The following PCDHA8 variants were observed in gnomAD, a reference collection of about 807,000 sequenced individuals.
PCDHA8 encodes protocadherin alpha-8.
A neutral mutation model predicts 61.8 loss-of-function variants in PCDHA8; 53 were observed. That is an observed-to-expected ratio of 0.86 (90% confidence interval 0.69 to 1.08). The LOEUF (loss-of-function observed/expected upper bound fraction) is 1.08, where lower values mean the gene tolerates loss of function less well. PCDHA8 is among the 50% of genes least tolerant of loss of function. The pLI, the probability that PCDHA8 is intolerant of heterozygous loss-of-function variation, is 0.00. For synonymous variants in PCDHA8, 618 were observed against 556.6 expected (o/e 1.11, Z -1.55); for missense variants, 1,293 against 1,245.0 (o/e 1.04, Z -0.58).
rs1453798087 is a variant in PCDHA8 at position 140,849,691 on chromosome 5, C to T, written c.2394+5976C>T. Reference sequence around the variant, plus strand: ...CCCCACGTCCCCTTCAAGCTGGTGTCCACCTACAAGAATTACTACTCGTTG... The same window carrying T: ...CCCCACGTCCCCTTCAAGCTGGTGTTCACCTACAAGAATTACTACTCGTTG... On this transcript the variant is annotated intron_variant, in intron 1 of 3. Transcript: ENST00000531613. 1.3e-6 allele frequency: 2 copies of T among 1,598,536 alleles called. No individual in the cohort carries two copies. The highest frequency in any genetic ancestry group is 2.2e-5 in the South Asian group (2 of 90,552).
chr5:140,891,921 C>G (rs1405172226), intron 1 of PCDHA8, among the ~76,000 whole-genome samples: 1 of 152,234 alleles, frequency 6.6e-6, no homozygotes, highest in African/African-American at 2.4e-5. Flanking sequence ...ATGCTGGTGC[C>G]TTGATCTTGG....
At chr5:140,908,342 A>G (rs542660039) in intron 1 of PCDHA8, among the ~76,000 whole-genome samples, 48 of 152,196 alleles carry the variant, frequency 3.2e-4, no homozygotes, top group Non-Finnish European at 5.3e-4. Flanking sequence ...TTGAGCCACT[A>G]CCTCATGTAA....
At chr5:140,926,584 C>A in intron 1 of PCDHA8, 1 of 285,402 alleles carries the variant, frequency 3.5e-6, no homozygotes, top group Non-Finnish European at 6.4e-6. Context: ...GCACCTCTCG[C>A]GCCCGGGCGG....
chr5:140,856,611 A>T (rs782801357), intron 1 of PCDHA8: 2 of 1,598,100 alleles, frequency 1.3e-6, no homozygotes, highest in Non-Finnish European at 1.7e-6. Context: ...AAAGACAAAG[A>T]CAAATTCCCA....
At chr5:140,927,158 C>G in intron 1 of PCDHA8, 1 of 1,614,166 alleles carries the variant, frequency 6.2e-7, no homozygotes, top group Non-Finnish European at 8.5e-7. Context: ...CTGTGCAGGG[C>G]CAAAGCTGCC....
intron 1 of PCDHA8, among the ~76,000 whole-genome samples, chr5:140,942,596 A>G (rs116159999): frequency 2.2e-4 from 31 of 142,420 alleles, no homozygotes; most frequent in Admixed American, 2.0e-3. Flanking sequence ...ACATATAATT[A>G]TAGTGTTTAT....
chr5:140,979,462 T>C (rs2096852361), intron 2 of PCDHA8, among the ~76,000 whole-genome samples: 1 of 152,304 alleles, frequency 6.6e-6, no homozygotes, highest in East Asian at 1.9e-4. Context: ...CAATAATTGA[T>C]TGCTATTGTT....
intron 3 of PCDHA8, among the ~76,000 whole-genome samples, chr5:140,997,279 A>G (rs1386656925): frequency 6.6e-6 from 1 of 152,166 alleles, no homozygotes; most frequent in Non-Finnish European, 1.5e-5. Flanking sequence ...TTCTTGCATC[A>G]CTTAACAATG....
intron 1 of PCDHA8, chr5:140,870,601 G>A (rs1554164453): frequency 1.2e-6 from 2 of 1,613,228 alleles, no homozygotes; most frequent in Admixed American, 1.7e-5. Context: ...GCGGTTGGGC[G>A]ACCGCGCGCT....
At chr5:140,937,789 G>A (rs1413517840) in intron 1 of PCDHA8, among the ~76,000 whole-genome samples, 1 of 151,816 alleles carries the variant, frequency 6.6e-6, no homozygotes, top group Non-Finnish European at 1.5e-5. Flanking sequence ...GCGGGCGTAT[G>A]TAGTCCCAGC....
At chr5:140,869,723 A>C (rs782155135) in intron 1 of PCDHA8, 8 of 1,613,430 alleles carry the variant, frequency 5.0e-6, no homozygotes, top group Non-Finnish European at 6.8e-6. Context: ...AAAACTCCGG[A>C]ACTTAATTTG....
At chr5:140,850,464 C>A (rs2041620287) in intron 1 of PCDHA8, 1 of 1,597,872 alleles carries the variant, frequency 6.3e-7, no homozygotes, top group Non-Finnish European at 8.6e-7. Flanking sequence ...CCACGGGGAG[C>A]CAGCGCTGAC....
chr5:140,945,516 A>C (rs1192013721), intron 1 of PCDHA8, among the ~76,000 whole-genome samples: 2 of 152,154 alleles, frequency 1.3e-5, no homozygotes, highest in Non-Finnish European at 2.9e-5. Flanking sequence ...AAAGTAAATA[A>C]ATAAATAAAA....
chr5:140,874,662 G>A (rs1478767625), intron 1 of PCDHA8, among the ~76,000 whole-genome samples: 1 of 152,170 alleles, frequency 6.6e-6, no homozygotes, highest in Non-Finnish European at 1.5e-5. Flanking sequence ...AAACTTTCCA[G>A]AATCTATTCC....
chr5:140,863,330 T>A, intron 1 of PCDHA8: 1 of 1,412,828 alleles, frequency 7.1e-7, no homozygotes, highest in Admixed American at 1.8e-5. Flanking sequence ...CTGTTAGTGC[T>A]CACGTTGCTG....
At chr5:141,006,077 T>C (rs1554260547) in intron 3 of PCDHA8, among the ~76,000 whole-genome samples, 1 of 150,908 alleles carries the variant, frequency 6.6e-6, no homozygotes, top group East Asian at 1.9e-4. Flanking sequence ...ATCAGATTAT[T>C]GAAGGGACTT....
Position 140,856,075 on chromosome 5 carries a change from G to T in PCDHA8, c.2394+12360G>T. 2 of 1,593,334 alleles carry T rather than the reference G, an allele frequency of 1.3e-6. 1 individual carries two copies. The highest frequency in any genetic ancestry group is 1.7e-6 in the Non-Finnish European group (2 of 1,164,466). Reference sequence around the variant, plus strand: ...TGGTTTCCAGATGTAGCTGCCTGGGGGTCCAGTGTCTGCTGCTCTCGCTTC... The same window carrying T: ...TGGTTTCCAGATGTAGCTGCCTGGGTGTCCAGTGTCTGCTGCTCTCGCTTC... On this transcript the variant is annotated intron_variant, in intron 1 of 3. Transcript: ENST00000531613.
intron 1 of PCDHA8, chr5:140,882,287 G>A (rs1289206552): frequency 3.1e-6 from 5 of 1,613,126 alleles, no homozygotes; most frequent in African/African-American, 1.3e-5. Context: ...TTCCTGGCAA[G>A]GAGGCCCAAG....
chr5:140,850,242 C>T (rs2150475130), intron 1 of PCDHA8: 4 of 1,593,608 alleles, frequency 2.5e-6, no homozygotes, highest in African/African-American at 1.3e-5. Flanking sequence ...GATGGTGCTG[C>T]GGTCGGTGGG....
Sources: gnomAD v4.1 joint callset for allele counts (sites outside exome capture counted in the v4.1 genomes callset) on GRCh38, gnomAD v4.1.1 for gene constraint, MANE v1.5 for transcripts, NCBI Gene and HGNC (gene_info 2026-07-23, HGNC 2026-07-21) for gene names.